Variants in HS6ST3 observed in about 807,000 individuals in gnomAD.
HS6ST3 encodes the protein heparan sulfate 6-O-sulfotransferase 3.
A neutral mutation model predicts 36.7 loss-of-function variants in HS6ST3; 12 were observed. The observed-to-expected ratio is 0.33, with a 90% confidence interval of 0.21 to 0.53. The LOEUF (loss-of-function observed/expected upper bound fraction) is 0.53, where lower values mean the gene tolerates loss of function less well. Among genes scored for constraint, HS6ST3 ranks in the 20% least tolerant of loss-of-function variants. HS6ST3 has a pLI of 0.95. For missense variants in HS6ST3, 584 were observed against 640.9 expected (o/e 0.91, Z 0.96); for synonymous variants, 240 against 257.5 (o/e 0.93, Z 0.65).
chr13:96,656,135 A>G (rs1173995272), intron 1 of HS6ST3, among the ~76,000 whole-genome samples: 2 of 152,188 alleles, frequency 1.3e-5, no homozygotes, highest in Admixed American at 6.6e-5. Context: ...TAGGGCTACC[A>G]TTGAAGAAGC....
chr13:96,679,111 C>G (rs2056709430), intron 1 of HS6ST3, among the ~76,000 whole-genome samples: 1 of 148,546 alleles, frequency 6.7e-6, no homozygotes, highest in African/African-American at 2.5e-5. Flanking sequence ...GTCACCACAC[C>G]CTCCCCTATC....
intron 1 of HS6ST3, among the ~76,000 whole-genome samples, chr13:96,365,052 A>G (rs973155906): frequency 6.6e-6 from 1 of 152,166 alleles, no homozygotes; most frequent in African/African-American, 2.4e-5. Context: ...ACATACTTCA[A>G]ACTCTTAGAT....
chr13:96,648,235 G>T (rs1445637635), intron 1 of HS6ST3, among the ~76,000 whole-genome samples: 1 of 151,980 alleles, frequency 6.6e-6, no homozygotes, highest in Non-Finnish European at 1.5e-5. Flanking sequence ...CCTGAAATTT[G>T]TAGTTACACC....
At chr13:96,154,285 ATAAT>A (rs1319364263) in intron 1 of HS6ST3, among the ~76,000 whole-genome samples, 11 of 152,140 alleles carry the variant, frequency 7.2e-5, no homozygotes, top group Non-Finnish European at 1.0e-4. Flanking sequence ...AGGGAATAAG[ATAAT>A]TAATTTATCT....
intron 1 of HS6ST3, among the ~76,000 whole-genome samples, chr13:96,184,116 G>A (rs532424566): frequency 6.1e-5 from 9 of 147,910 alleles, no homozygotes; most frequent in Admixed American, 2.8e-4. Context: ...TGGGAGAATC[G>A]TTTGAACCTG....
chr13:96,335,569 C>T (rs541815905), intron 1 of HS6ST3, among the ~76,000 whole-genome samples: 3 of 152,184 alleles, frequency 2.0e-5, no homozygotes, highest in African/African-American at 7.2e-5. Flanking sequence ...TGTCTTTTAG[C>T]TATAGCTGGG....
chr13:96,756,429 A>G lies in HS6ST3; in HGVS notation c.708-76061A>G, dbSNP rs896262195. 3.0e-4 allele frequency among the ~76,000 whole-genome samples: 46 copies of G among 152,134 alleles called. 1 individual carries two copies. ...TGAATATGATCTAAGAAATTTTTGC[A>G]TAATTAGGGTTGTGGGAATATTCTC... On this transcript the variant is annotated intron_variant, in intron 1 of 1. Coordinates refer to ENST00000376705, the MANE Select transcript of HS6ST3 (RefSeq NM_153456.4).
chr13:96,825,785 A>C (rs1004546707), intron 1 of HS6ST3, among the ~76,000 whole-genome samples: 2 of 152,208 alleles, frequency 1.3e-5, no homozygotes, highest in Non-Finnish European at 2.9e-5. Flanking sequence ...TTAGTGAAAC[A>C]CACAACATGA....
chr13:96,656,447 G>A (rs1270146137), intron 1 of HS6ST3, among the ~76,000 whole-genome samples: 1 of 152,104 alleles, frequency 6.6e-6, no homozygotes, highest in Non-Finnish European at 1.5e-5. Flanking sequence ...GTAAACTCAT[G>A]TTCCAAGAGA....
intron 1 of HS6ST3, among the ~76,000 whole-genome samples, chr13:96,475,601 C>T (rs559091393): frequency 1.9e-4 from 25 of 132,454 alleles, no homozygotes; most frequent in South Asian, 2.3e-4. Context: ...CATTACCCAG[C>T]GGAGTACTAC....
At chr13:96,780,555 A>T (rs1877501267) in intron 1 of HS6ST3, among the ~76,000 whole-genome samples, 2 of 152,156 alleles carry the variant, frequency 1.3e-5, no homozygotes, top group African/African-American at 4.8e-5. Context: ...TGAATGCTAG[A>T]GATCCACTCT....
intron 1 of HS6ST3, among the ~76,000 whole-genome samples, chr13:96,290,302 C>G (rs1451484149): frequency 6.6e-6 from 1 of 152,098 alleles, no homozygotes; most frequent in Non-Finnish European, 1.5e-5. Flanking sequence ...TGTCTGGTTG[C>G]ATCCCTGTGG....
chr13:96,685,306 G>A (rs977536825), intron 1 of HS6ST3, among the ~76,000 whole-genome samples: 2 of 151,950 alleles, frequency 1.3e-5, no homozygotes, highest in Admixed American at 1.3e-4. Context: ...CCTCATTTGG[G>A]GTTTCTTGTC....
At position 96,796,882 on chromosome 13, in the gene HS6ST3, C is replaced by G. The variant is rs193281667; in HGVS notation, c.708-35608C>G. Among the ~76,000 whole-genome samples, 9 of 152,140 alleles carry G rather than the reference C, an allele frequency of 5.9e-5. No homozygotes were observed. In the East Asian group the frequency reaches 1.7e-3, roughly 30 times the overall value. ...ATTTATTTGGTAGGGGACTATCGAT[C>G]AGGCCATAATACAGTGAATATCATC... is the stretch of plus-strand genomic sequence containing the variant. On this transcript the variant is annotated intron_variant, in intron 1 of 1. Coordinates refer to ENST00000376705, the MANE Select transcript of HS6ST3 (RefSeq NM_153456.4).
intron 1 of HS6ST3, among the ~76,000 whole-genome samples, chr13:96,266,801 A>G (rs2054694536): frequency 6.6e-6 from 1 of 152,212 alleles, no homozygotes; most frequent in South Asian, 2.1e-4. Context: ...ATAAATGCCT[A>G]TATGCCACAC....
chr13:96,509,671 T>C (rs369347428), intron 1 of HS6ST3, among the ~76,000 whole-genome samples: 6 of 152,220 alleles, frequency 3.9e-5, no homozygotes, highest in Admixed American at 2.0e-4. Context: ...TGGCTTTGTT[T>C]CTGGGTTCTC....
intron 1 of HS6ST3, among the ~76,000 whole-genome samples, chr13:96,237,280 T>C (rs947418681): frequency 2.0e-5 from 3 of 152,192 alleles, no homozygotes; most frequent in Non-Finnish European, 4.4e-5. Context: ...GTTTATTTGC[T>C]TTTTCCTAAC....
chr13:96,419,386 C>T (rs2055550982), intron 1 of HS6ST3, among the ~76,000 whole-genome samples: 1 of 152,016 alleles, frequency 6.6e-6, no homozygotes, highest in Non-Finnish European at 1.5e-5. Context: ...GACCATTTTG[C>T]ATCTGATTGA....
intron 1 of HS6ST3, among the ~76,000 whole-genome samples, chr13:96,615,895 G>T (rs2056472801): frequency 6.6e-6 from 1 of 152,162 alleles, no homozygotes; most frequent in South Asian, 2.1e-4. Flanking sequence ...CCATGGAAGT[G>T]ATCCACTTCT....
Sources: gnomAD v4.1 joint callset for allele counts (sites outside exome capture counted in the v4.1 genomes callset) on GRCh38, gnomAD v4.1.1 for gene constraint, MANE v1.5 for transcripts, NCBI Gene and HGNC (gene_info 2026-07-23, HGNC 2026-07-21) for gene names.